The following AUTS2 variants were observed in gnomAD, a reference collection of about 807,000 sequenced individuals.
The protein encoded by AUTS2 is activator of transcription and developmental regulator AUTS2.
Under a neutral mutation model 112.4 loss-of-function variants are expected in AUTS2, and 17 were observed. The observed-to-expected ratio is 0.15, with a 90% confidence interval of 0.10 to 0.23. The LOEUF is 0.23. Ranked by LOEUF, AUTS2 falls within the 10% of genes least tolerant of loss-of-function variation. The probability of loss-of-function intolerance (pLI) is 1.00; values close to 1 mark genes in which losing one functional copy is unlikely to be tolerated. For synonymous variants in AUTS2, 751 were observed against 702.7 expected, an observed-to-expected ratio of 1.07 and a Z score of -1.09; for missense variants, 1,510 against 1,701.6, an observed-to-expected ratio of 0.89 and a Z score of 1.98.
rs1440858065 is a variant in AUTS2, at chr7:70,303,437, CAT to C, written c.661-132313_661-132312del. On this transcript the variant is annotated intron_variant, in intron 4 of 18. Transcript: ENST00000342771. ...GCACACACACACGCGCGCGCGCGCACATACACACACACACACACACACACACA... is the reference window on the plus strand; with the variant it reads ...GCACACACACACGCGCGCGCGCGCACACACACACACACACACACACACACA... Among the ~76,000 whole-genome samples the C allele has an allele frequency of 7.0e-3, 991 of 141,798 alleles. 11 individuals carry two copies. Among genetic ancestry groups the C allele is most frequent in the African/African-American group, 0.024 (878 of 37,072 alleles). 93.0% of individuals were successfully genotyped at this position (141,798 alleles called of 152,430 possible). A position where few individuals can be genotyped will look rare whatever the true frequency, so the allele number is the denominator to read the frequency against.
chr7:70,442,712 T>C (rs1201657369), intron 5 of AUTS2, among the ~76,000 whole-genome samples: 1 of 152,176 alleles, frequency 6.6e-6, no homozygotes, highest in Admixed American at 6.5e-5. Flanking sequence ...GATCTTGAAC[T>C]CCTGACCTCA....
At chr7:70,403,101 T>A (rs1379702407) in intron 4 of AUTS2, among the ~76,000 whole-genome samples, 2 of 152,230 alleles carry the variant, frequency 1.3e-5, no homozygotes, top group Non-Finnish European at 2.9e-5. Flanking sequence ...ACCAGGATTT[T>A]ACGGGAAAGG....
At chr7:69,778,819 A>G (rs1029964130) in intron 1 of AUTS2, among the ~76,000 whole-genome samples, 2 of 152,092 alleles carry the variant, frequency 1.3e-5, no homozygotes, top group Non-Finnish European at 1.5e-5. Context: ...ACCATCAATA[A>G]TAAGCATTCA....
chr7:69,699,275 A>T (rs936425091), intron 1 of AUTS2, among the ~76,000 whole-genome samples: 1 of 152,090 alleles, frequency 6.6e-6, no homozygotes, highest in Non-Finnish European at 1.5e-5. Flanking sequence ...GGAATGTCTC[A>T]CTCTCATCCC....
At chr7:69,760,334 C>T (rs992303544) in intron 1 of AUTS2, among the ~76,000 whole-genome samples, 11 of 151,056 alleles carry the variant, frequency 7.3e-5, no homozygotes, top group African/African-American at 2.7e-4. Context: ...CGCACCTGGC[C>T]TCTTAATGTA....
At chr7:69,702,356 A>G (rs1797855298) in intron 1 of AUTS2, among the ~76,000 whole-genome samples, 1 of 152,202 alleles carries the variant, frequency 6.6e-6, no homozygotes, top group Admixed American at 6.5e-5. Flanking sequence ...ATAAGGAGAA[A>G]AGGCAGAGGC....
At chr7:69,851,243 A>G (rs1001667455) in intron 1 of AUTS2, among the ~76,000 whole-genome samples, 1 of 152,184 alleles carries the variant, frequency 6.6e-6, no homozygotes, top group Non-Finnish European at 1.5e-5. Flanking sequence ...TATTGATTAC[A>G]GTATAACTAT....
intron 2 of AUTS2, among the ~76,000 whole-genome samples, chr7:70,070,872 C>T (rs532699975): frequency 7.7e-6 from 1 of 129,368 alleles, no homozygotes; most frequent in East Asian, 2.4e-4. Context: ...AGGGAGACTC[C>T]ATCTGAAAAA....
chr7:70,287,876 C>T (rs1788536204), intron 4 of AUTS2, among the ~76,000 whole-genome samples: 1 of 151,732 alleles, frequency 6.6e-6, no homozygotes, highest in Non-Finnish European at 1.5e-5. Context: ...ATTTTGAAAC[C>T]TTACCTGTGG....
chr7:70,701,231 C>CA (rs1809439274), intron 6 of AUTS2, among the ~76,000 whole-genome samples: 1 of 152,168 alleles, frequency 6.6e-6, no homozygotes, highest in African/African-American at 2.4e-5. Context: ...GCTAATCTCA[C>CA]AAGCTGATTG....
chr7:70,032,050 A>G (rs1217660107), intron 2 of AUTS2, among the ~76,000 whole-genome samples: 1 of 152,102 alleles, frequency 6.6e-6, no homozygotes. Context: ...TTTCTGACTA[A>G]AGTCTTGGCA....
intron 1 of AUTS2, among the ~76,000 whole-genome samples, chr7:69,876,343 AAAAAAAATATATATATATATATAT>A (rs1793751477): frequency 1.2e-5 from 1 of 80,594 alleles, no homozygotes. Flanking sequence ...AAAAAAAAAA[AAAAAAAATATATATATATATATAT>A]ATATATATAT....
At chr7:69,602,111 T>C (rs1301589597) in intron 1 of AUTS2, among the ~76,000 whole-genome samples, 1 of 150,136 alleles carries the variant, frequency 6.7e-6, no homozygotes, top group Non-Finnish European at 1.5e-5. Flanking sequence ...ACTTATGCAG[T>C]TCTTTTTGAT....
intron 4 of AUTS2, among the ~76,000 whole-genome samples, chr7:70,236,955 T>A (rs1812359146): frequency 6.6e-6 from 1 of 152,228 alleles, no homozygotes; most frequent in African/African-American, 2.4e-5. Flanking sequence ...GCTTACCACT[T>A]ACTGCCTTCG....
chr7:70,120,505 T>G (rs1444610883), intron 3 of AUTS2: 1 of 152,154 alleles, frequency 6.6e-6, no homozygotes, highest in Non-Finnish European at 1.5e-5. Flanking sequence ...GCAATAATAA[T>G]TAATGTTTAA....
chr7:69,943,511 C>A (rs1232609904), intron 2 of AUTS2, among the ~76,000 whole-genome samples: 1 of 152,054 alleles, frequency 6.6e-6, no homozygotes, highest in Non-Finnish European at 1.5e-5. Context: ...TAAATCAAAG[C>A]CATTTATTAA....
rs1204624605 is a variant in AUTS2 at position 70,755,870 on chromosome 7, AAAT to A, written c.743-6995_743-6993del. Among the ~76,000 whole-genome samples, 3 of 152,054 alleles carry A rather than the reference AAAT, an allele frequency of 2.0e-5. No individual in the cohort carries two copies. In the East Asian group the frequency reaches 5.8e-4, roughly 29 times the overall value. On this transcript the variant is annotated intron_variant, in intron 6 of 18. Transcript: ENST00000342771. ...ATAAGTATACTTTACTAATTACAGT[AAAT>A]AATACTATTATTTAATAACTATATA...
chr7:70,650,528 T>A (rs1806447881), intron 5 of AUTS2, among the ~76,000 whole-genome samples: 1 of 152,232 alleles, frequency 6.6e-6, no homozygotes, highest in East Asian at 1.9e-4. Flanking sequence ...CAAGAGCAGA[T>A]CTAGAACTAG....
chr7:70,251,146 C>T (rs1442410848), intron 4 of AUTS2, among the ~76,000 whole-genome samples: 6 of 152,066 alleles, frequency 3.9e-5, no homozygotes, highest in Non-Finnish European at 8.8e-5. Context: ...CTCACTGCAA[C>T]CTCTGCCTCC....
Sources: allele counts gnomAD v4.1 joint callset (sites outside exome capture counted in the v4.1 genomes callset), GRCh38; gene constraint gnomAD v4.1.1; transcripts MANE v1.5; gene names NCBI Gene and HGNC (gene_info 2026-07-23, HGNC 2026-07-21).